Variants in EXD3 observed in about 807,000 individuals in gnomAD.
The protein encoded by EXD3 is exonuclease mut-7 homolog.
EXD3 carries 92 observed loss-of-function variants against 98.0 expected under a neutral mutation model. The ratio of observed to expected loss-of-function variants is 0.94; its 90% CI spans 0.79 to 1.12. EXD3 has a LOEUF of 1.12. Ranked by LOEUF, EXD3 falls within the 50% of genes most tolerant of loss-of-function variation. EXD3 has a pLI of 0.00. For synonymous variants in EXD3, 569 were observed against 526.0 expected, an observed-to-expected ratio of 1.08 and a Z score of -1.12; for missense variants, 1,222 against 1,191.6, an observed-to-expected ratio of 1.03 and a Z score of -0.38.
Position 137,414,890 on chromosome 9 carries a change from C to T in EXD3, c.-48+8224G>A, listed in dbSNP as rs60898848. The stretch of plus-strand genomic sequence containing the variant: ...TTTATGTTTTTGAGATGGAGTCTCG[C>T]TCTGTTGTCCAGGCTGAGACGGAAT... On this transcript the variant is annotated intron_variant, in intron 1 of 21. Coordinates refer to ENST00000340951, the MANE Select transcript of EXD3 (RefSeq NM_017820.5). Among the ~76,000 whole-genome samples the T allele has an allele frequency of 5.3e-3, 800 of 152,212 alleles. 8 individuals are homozygous for T. The highest frequency in any genetic ancestry group is 0.024 in the Middle Eastern group (7 of 294).
rs1831085382 is a variant in EXD3, at chr9:137,307,147, G to A, written c.2434C>T (p.Gln812Ter). 6.3e-7 allele frequency: 1 copy of A among 1,594,194 alleles called. No individual in the cohort carries two copies. The highest frequency in any genetic ancestry group is 1.1e-5 in the South Asian group (1 of 88,900). Residue 812 changes from glutamine (Q) to a stop codon, truncating the protein, a stop_gained, in exon 22 of 22, where the codon CAG becomes TAG. Transcript: ENST00000340951. LOFTEE classifies it low-confidence loss of function (END_TRUNC). ...ACACCCACCGGGACCCCTGCCAGCT[G>A]CAGCCGGGTGCCGTCGGCCAGCATG... ...PDMLADGTRL[Q>*]LAGVPVGVLR...
At chr9:137,312,060 T>C (rs998090253) in intron 19 of EXD3, among the ~76,000 whole-genome samples, 37 of 152,288 alleles carry the variant, frequency 2.4e-4, no homozygotes, top group Middle Eastern at 3.4e-3. Context: ...CAGGACTCCA[T>C]GCCAGGGTTC....
At position 137,306,968 on chromosome 9, in the gene EXD3, C is replaced by CGGGCTGG; in HGVS notation, c.2606_2612dup (p.Ala872GlnfsTer14). ...GCTGTCCTCAGAAGGGACTGCTGGC[C>CGGGCTGG]GGGCTGGGGGCTGGGCTCGGCTCGC... On this transcript the variant is annotated frameshift_variant, in exon 22 of 22. Transcript: ENST00000340951. LOFTEE classifies it low-confidence loss of function (END_TRUNC). 6.3e-7 allele frequency: 1 copy of CGGGCTGG among 1,584,892 alleles called. No individual in the cohort carries two copies. Among genetic ancestry groups the CGGGCTGG allele is most frequent in the African/African-American group, 1.3e-5 (1 of 74,402 alleles).
At chr9:137,340,092 AC>A (rs1833566829) in intron 17 of EXD3, among the ~76,000 whole-genome samples, 1 of 152,182 alleles carries the variant, frequency 6.6e-6, no homozygotes. Context: ...AGAAAATAAA[AC>A]CCACACGATT....
At chr9:137,370,179 CCT>C (rs916207824) in intron 5 of EXD3, among the ~76,000 whole-genome samples, 5 of 152,174 alleles carry the variant, frequency 3.3e-5, no homozygotes, top group African/African-American at 7.2e-5. Context: ...TGGCCTGACC[CCT>C]GTCTCAGGCT....
rs375773198 is a variant in EXD3, at chr9:137,330,096, G to T, written c.1999-5953C>A. On this transcript the variant is annotated intron_variant, in intron 17 of 21. Coordinates refer to ENST00000340951, the MANE Select transcript of EXD3 (RefSeq NM_017820.5). The stretch of plus-strand genomic sequence containing the variant: ...AGGAACTACACAGGAGCTACACAGG[G>T]CTCCACAGGAGCTACACAGGAGCTA... Among the ~76,000 whole-genome samples, 3 of 112,858 alleles carry T rather than the reference G, an allele frequency of 2.7e-5. 1 individual carries two copies. The highest frequency in any genetic ancestry group is 5.3e-5 in the Non-Finnish European group (3 of 56,730). 74.0% of individuals were successfully genotyped at this position (112,858 alleles called of 152,430 possible).
intron 1 of EXD3, among the ~76,000 whole-genome samples, chr9:137,416,447 G>T (rs934487636): frequency 6.6e-6 from 1 of 152,212 alleles, no homozygotes; most frequent in South Asian, 2.1e-4. Flanking sequence ...AGGGACCGCC[G>T]GCAGCCCACC....
At chr9:137,344,112 C>T (rs181832884) in intron 17 of EXD3, among the ~76,000 whole-genome samples, 1,751 of 144,214 alleles carry the variant, frequency 0.012, 31 homozygotes, top group African/African-American at 0.042. Context: ...AGGATGGTCT[C>T]GATCTTCTGA....
intron 17 of EXD3, among the ~76,000 whole-genome samples, chr9:137,333,147 G>C (rs919835852): frequency 1.3e-5 from 2 of 152,180 alleles, no homozygotes; most frequent in African/African-American, 4.8e-5. Context: ...GATGCTTCCT[G>C]TCCTCGAACA....
chr9:137,355,693 GGGAGGAA>G (rs773247333), intron 8 of EXD3, among the ~76,000 whole-genome samples: 667 of 40,342 alleles, frequency 0.017, 1 homozygote, highest in African/African-American at 0.031. Context: ...GAAGGAGAAA[GGGAGGAA>G]GGAGGAAGGA....
intron 17 of EXD3, among the ~76,000 whole-genome samples, chr9:137,330,601 GGACTACACAGGACTACACAGGAA>G (rs1564482345): frequency 7.1e-6 from 1 of 141,648 alleles, no homozygotes. Flanking sequence ...GGACTACACA[GGACTACACAGGACTACACAGGAA>G]CTACACAGGA....
chr9:137,356,882 C>T (rs912681960), intron 7 of EXD3, among the ~76,000 whole-genome samples: 1 of 152,182 alleles, frequency 6.6e-6, no homozygotes, highest in Non-Finnish European at 1.5e-5. Flanking sequence ...CTGGGACTGA[C>T]ACCCCCATGC....
chr9:137,354,155 G>A, intron 10 of EXD3, 184 bp downstream of exon 10: 1 of 1,429,732 alleles, frequency 7.0e-7, no homozygotes, highest in Non-Finnish European at 9.2e-7. Context: ...CTCCCGCTCA[G>A]GCCTCCCGGG....
intron 5 of EXD3, among the ~76,000 whole-genome samples, chr9:137,370,198 GC>G (rs1433865096): frequency 6.6e-6 from 1 of 152,192 alleles, no homozygotes; most frequent in African/African-American, 2.4e-5. Flanking sequence ...GGCTTTGGGG[GC>G]CCTGCTGGCC....
chr9:137,356,100 C>T (rs1834771699), intron 8 of EXD3, among the ~76,000 whole-genome samples, 168 bp downstream of exon 8: 1 of 152,204 alleles, frequency 6.6e-6, no homozygotes, highest in Admixed American at 6.5e-5. Flanking sequence ...AGGCCCACCT[C>T]ACAGCCACTC....
intron 7 of EXD3, chr9:137,365,926 T>A (rs1259041723): frequency 2.4e-5 from 10 of 420,904 alleles, no homozygotes; most frequent in South Asian, 1.9e-4. Flanking sequence ...CATGCACACC[T>A]ACAGGCACAC....
Position 137,351,161 on chromosome 9 carries a change from C to T in EXD3, c.1385-14G>A. 6.4e-7 allele frequency: 1 copy of T among 1,561,866 alleles called. No homozygotes were observed. Among genetic ancestry groups the T allele is most frequent in the Non-Finnish European group, 8.7e-7 (1 of 1,153,852 alleles). ...CCATCCCGTAGCCTGTGGGCAGGAA[C>T]CATCGTGGGAGGGGCGCCTGCAGGC... On this transcript the variant is annotated splice_polypyrimidine_tract_variant and intron_variant, in intron 13 of 21. Transcript: ENST00000340951.
At chr9:137,318,597 G>A (rs1021965388) in intron 19 of EXD3, among the ~76,000 whole-genome samples, 1 of 152,080 alleles carries the variant, frequency 6.6e-6, no homozygotes, top group Non-Finnish European at 1.5e-5. Flanking sequence ...CATGGTAGAC[G>A]GCACTGGGAA....
chr9:137,416,179 T>C (rs1017729606), intron 1 of EXD3, among the ~76,000 whole-genome samples: 1 of 152,140 alleles, frequency 6.6e-6, no homozygotes, highest in African/African-American at 2.4e-5. Context: ...CAGCCAGGGC[T>C]TTCGCTCTTC....
Sources: gnomAD v4.1 joint callset for allele counts (sites outside exome capture counted in the v4.1 genomes callset) on GRCh38, gnomAD v4.1.1 for gene constraint, MANE v1.5 for transcripts, NCBI Gene and HGNC (gene_info 2026-07-23, HGNC 2026-07-21) for gene names.